Variants in SHANK2 observed in about 807,000 individuals in gnomAD.
SHANK2 encodes the protein SH3 and multiple ankyrin repeat domains protein 2.
In SHANK2, 43 loss-of-function variants were observed where a neutral mutation model predicts 133.7. The ratio of observed to expected loss-of-function variants is 0.32; its 90% confidence interval spans 0.25 to 0.41. The LOEUF (loss-of-function observed/expected upper bound fraction) is 0.41. SHANK2 is among the 10% of genes least tolerant of loss of function. The pLI is 1.00. For missense variants in SHANK2, 1,994 were observed against 2,235.8 expected, an observed-to-expected ratio of 0.89 and a Z score of 2.18; for synonymous variants, 1,017 against 952.8, an observed-to-expected ratio of 1.07 and a Z score of -1.24.
chr11:71,209,969 C>T (rs1191327188), intron 2 of SHANK2, among the ~76,000 whole-genome samples: 5 of 151,798 alleles, frequency 3.3e-5, no homozygotes, highest in African/African-American at 4.8e-5. Context: ...ACCGAGGATT[C>T]GACACAGGAC....
chr11:71,059,168 G>A (rs1236691617), intron 9 of SHANK2, among the ~76,000 whole-genome samples: 2 of 152,216 alleles, frequency 1.3e-5, no homozygotes, highest in Non-Finnish European at 2.9e-5. Flanking sequence ...AGAGAGCCAA[G>A]ACTGTGCCAT....
intron 10 of SHANK2, among the ~76,000 whole-genome samples, chr11:70,931,902 T>C (rs1441361132): frequency 6.6e-6 from 1 of 152,202 alleles, no homozygotes; most frequent in Non-Finnish European, 1.5e-5. Context: ...AAAAACATCA[T>C]CCATCTTCAA....
At chr11:70,548,865 G>A (rs1407192909) in intron 17 of SHANK2, among the ~76,000 whole-genome samples, 2 of 152,160 alleles carry the variant, frequency 1.3e-5, no homozygotes, top group African/African-American at 4.8e-5. Flanking sequence ...GTGGGAAGGA[G>A]GCCAGGTGAA....
intron 3 of SHANK2, among the ~76,000 whole-genome samples, chr11:71,137,377 GAA>G (rs1221235967): frequency 2.0e-5 from 3 of 150,328 alleles, no homozygotes; most frequent in Non-Finnish European, 2.9e-5. Context: ...GGTTCCTAGA[GAA>G]AGTTACGGTC....
chr11:70,596,357 G>A (rs191455433), intron 17 of SHANK2, among the ~76,000 whole-genome samples: 1 of 152,176 alleles, frequency 6.6e-6, no homozygotes, highest in African/African-American at 2.4e-5. Flanking sequence ...GTTCCGGAAG[G>A]AGCCACAGGC....
intron 2 of SHANK2, among the ~76,000 whole-genome samples, chr11:71,179,056 A>AT (rs1259880828): frequency 1.3e-5 from 2 of 152,128 alleles, no homozygotes; most frequent in African/African-American, 4.8e-5. Flanking sequence ...GGAGGATTAT[A>AT]TTTTTTTCCA....
Position 70,771,716 on chromosome 11 carries a change from G to A in SHANK2, c.1777+26727C>T, listed in dbSNP as rs1388359019. Among the ~76,000 whole-genome samples, 6 of 152,302 alleles carry A rather than the reference G, an allele frequency of 3.9e-5. No individual in the cohort carries two copies. The East Asian group carries it at 1.2e-3, about 30-fold the overall frequency. Reference sequence around the variant, plus strand: ...GGGTGACTCTAAGCTCATTCCAGGAGCAGCTGGGCTGCCGGCCAGCCTGCC... The same window carrying A: ...GGGTGACTCTAAGCTCATTCCAGGAACAGCTGGGCTGCCGGCCAGCCTGCC... On this transcript the variant is annotated intron_variant, in intron 14 of 25. Transcript: ENST00000601538.
intron 17 of SHANK2, among the ~76,000 whole-genome samples, chr11:70,515,534 G>C (rs186329858): frequency 6.7e-6 from 1 of 149,442 alleles, no homozygotes; most frequent in Admixed American, 6.7e-5. Context: ...CGGAGCGGTG[G>C]CTCATGTCTA....
chr11:71,099,851 A>C (rs1055088713), intron 6 of SHANK2, among the ~76,000 whole-genome samples: 9 of 152,148 alleles, frequency 5.9e-5, no homozygotes, highest in African/African-American at 1.7e-4. Flanking sequence ...CAGGAGTTCA[A>C]GACCTGCCTG....
chr11:70,904,190 C>A (rs1220116019), intron 10 of SHANK2, among the ~76,000 whole-genome samples: 1 of 152,164 alleles, frequency 6.6e-6, no homozygotes, highest in South Asian at 2.1e-4. Flanking sequence ...GATCAGACTG[C>A]CACAAGGTGG....
At chr11:71,081,596 C>T (rs1489036544) in intron 8 of SHANK2, among the ~76,000 whole-genome samples, 1 of 152,088 alleles carries the variant, frequency 6.6e-6, no homozygotes, top group Non-Finnish European at 1.5e-5. Flanking sequence ...TCACCCATCC[C>T]CTCTCCTGTT....
intron 9 of SHANK2, among the ~76,000 whole-genome samples, chr11:71,061,948 C>A (rs1950991981): frequency 6.6e-6 from 1 of 151,266 alleles, no homozygotes; most frequent in Admixed American, 6.6e-5. Flanking sequence ...CCTGTTATTT[C>A]CAACTCCAAA....
intron 17 of SHANK2, among the ~76,000 whole-genome samples, chr11:70,614,908 G>A (rs1554995471): frequency 6.6e-6 from 1 of 152,242 alleles, no homozygotes; most frequent in African/African-American, 2.4e-5. Context: ...TTCTGGAGAG[G>A]GAAGAGGAAG....
intron 8 of SHANK2, among the ~76,000 whole-genome samples, chr11:71,087,399 G>T (rs1486944482): frequency 6.6e-6 from 1 of 152,218 alleles, no homozygotes; most frequent in African/African-American, 2.4e-5. Flanking sequence ...TTGAGACACA[G>T]GGGCTATTCT....
intron 8 of SHANK2, among the ~76,000 whole-genome samples, chr11:71,085,898 ATT>A (rs1951394429): frequency 0.093 from 82 of 884 alleles, 3 homozygotes; most frequent in South Asian, 0.5. Context: ...TAATATATAT[ATT>A]AATTATATAT....
At chr11:70,896,905 G>A (rs747059752) in intron 10 of SHANK2, among the ~76,000 whole-genome samples, 8 of 152,138 alleles carry the variant, frequency 5.3e-5, no homozygotes, top group Non-Finnish European at 1.0e-4. Flanking sequence ...TATGTCCTGT[G>A]TACCCACGGG....
chr11:70,527,296 T>A (rs1366282312), intron 17 of SHANK2, among the ~76,000 whole-genome samples: 1 of 152,184 alleles, frequency 6.6e-6, no homozygotes, highest in Non-Finnish European at 1.5e-5. Context: ...GGCCTGGCTG[T>A]GGACTTGTGC....
chr11:70,618,100 C>T (rs531216792), intron 17 of SHANK2, among the ~76,000 whole-genome samples: 97 of 152,094 alleles, frequency 6.4e-4, no homozygotes, highest in Non-Finnish European at 1.2e-3. Flanking sequence ...AGTTTGAGAC[C>T]AGCCTGGCAA....
At chr11:71,074,620 G>A (rs1012410133) in intron 9 of SHANK2, among the ~76,000 whole-genome samples, 3 of 152,178 alleles carry the variant, frequency 2.0e-5, no homozygotes, top group African/African-American at 7.2e-5. Flanking sequence ...GACAATGCGA[G>A]CTATTTTGCA....
Sources: allele counts gnomAD v4.1 joint callset (sites outside exome capture counted in the v4.1 genomes callset), GRCh38; gene constraint gnomAD v4.1.1; transcripts MANE v1.5; gene names NCBI Gene and HGNC (gene_info 2026-07-23, HGNC 2026-07-21).